ADGRL3: variants seen among roughly 807,000 people sequenced by gnomAD.
ADGRL3 encodes the protein calcium-independent alpha-latrotoxin receptor 3.
ADGRL3 carries 62 observed loss-of-function variants against 153.5 expected under a neutral mutation model. The observed-to-expected ratio is 0.40, with a 90% CI of 0.33 to 0.50. The LOEUF is 0.50. Among genes scored for constraint, ADGRL3 ranks in the 20% least tolerant of loss-of-function variants. The pLI, the probability that ADGRL3 is intolerant of heterozygous loss-of-function variation, is 0.47. For missense variants in ADGRL3, 1,641 were observed against 1,859.4 expected (o/e 0.88, Z 2.16); for synonymous variants, 710 against 672.5 (o/e 1.06, Z -0.86).
intron 5 of ADGRL3, among the ~76,000 whole-genome samples, chr4:61,627,477 T>C (rs1466414328): frequency 6.6e-6 from 1 of 151,836 alleles, no homozygotes; most frequent in Non-Finnish European, 1.5e-5. Flanking sequence ...AAAAATTAGC[T>C]GGGCATGGTG....
intron 22 of ADGRL3, among the ~76,000 whole-genome samples, chr4:62,030,276 A>T (rs1310758904): frequency 6.6e-6 from 1 of 151,678 alleles, no homozygotes; most frequent in Non-Finnish European, 1.5e-5. Flanking sequence ...TTCATTTTAC[A>T]AAGTTTCCAT....
chr4:61,732,699 T>C (rs753087657), intron 7 of ADGRL3, 55 bp from the exon 8 acceptor site: 37 of 1,032,180 alleles, frequency 3.6e-5, no homozygotes, highest in Non-Finnish European at 4.9e-5. Flanking sequence ...TAAGACTATA[T>C]AACAAAATAT....
At position 61,757,272 on chromosome 4, in the gene ADGRL3, C is replaced by T. The variant is rs1308613391; in HGVS notation, c.1399+23718C>T. On this transcript the variant is annotated intron_variant, in intron 8 of 26. Coordinates refer to ENST00000683033, the MANE Select transcript of ADGRL3 (RefSeq NM_001387552.1). ...TCCTGGACTTTTTTTGGTTGGTAAG[C>T]TATTAATTATTGCCTCAATTTCAGA... Among the ~76,000 whole-genome samples, 3 of 152,192 alleles carry T rather than the reference C, an allele frequency of 2.0e-5. No individual in the cohort carries two copies. The South Asian group carries it at 6.2e-4, about 32-fold the overall frequency.
intron 6 of ADGRL3, among the ~76,000 whole-genome samples, chr4:61,697,611 T>G (rs1262393494): frequency 2.0e-5 from 3 of 151,766 alleles, no homozygotes; most frequent in Non-Finnish European, 2.9e-5. Flanking sequence ...AGTAATATTC[T>G]TGGTGAAGTA....
intron 6 of ADGRL3, among the ~76,000 whole-genome samples, chr4:61,715,067 T>C (rs1461021261): frequency 2.0e-5 from 3 of 152,214 alleles, no homozygotes; most frequent in Non-Finnish European, 4.4e-5. Context: ...TGGTAGAATG[T>C]TAATTATCTT....
At chr4:61,233,506 C>G (rs1205050944) in intron 1 of ADGRL3, among the ~76,000 whole-genome samples, 1 of 152,048 alleles carries the variant, frequency 6.6e-6, no homozygotes, top group African/African-American at 2.4e-5. Context: ...TAGAAGGCAG[C>G]TTGTTCTATT....
At chr4:61,749,430 A>G (rs1043488728) in intron 8 of ADGRL3, among the ~76,000 whole-genome samples, 2 of 152,156 alleles carry the variant, frequency 1.3e-5, no homozygotes, top group African/African-American at 4.8e-5. Context: ...TTGTGGCACT[A>G]TGCACAATAG....
At chr4:61,437,901 C>G (rs2097471974) in intron 2 of ADGRL3, among the ~76,000 whole-genome samples, 1 of 152,166 alleles carries the variant, frequency 6.6e-6, no homozygotes, top group South Asian at 2.1e-4. Flanking sequence ...AAGTCCCACT[C>G]TCTTCCACTG....
intron 25 of ADGRL3, among the ~76,000 whole-genome samples, chr4:62,065,646 G>T (rs145610121): frequency 7.2e-5 from 11 of 151,920 alleles, no homozygotes; most frequent in African/African-American, 2.2e-4. Flanking sequence ...TAATAAATTT[G>T]GACCACATTT....
At chr4:61,499,458 C>G (rs2098359198) in intron 3 of ADGRL3, among the ~76,000 whole-genome samples, 1 of 152,080 alleles carries the variant, frequency 6.6e-6, no homozygotes. Context: ...CAATGCTTTT[C>G]TAATTATCCA....
At chr4:61,442,575 G>A (rs927418602) in intron 2 of ADGRL3, among the ~76,000 whole-genome samples, 1 of 152,096 alleles carries the variant, frequency 6.6e-6, no homozygotes, top group Non-Finnish European at 1.5e-5. Context: ...GTAATAAGAG[G>A]AAGAAGGCAG....
intron 4 of ADGRL3, among the ~76,000 whole-genome samples, chr4:61,570,520 C>T (rs1341586027): frequency 6.6e-6 from 1 of 152,114 alleles, no homozygotes; most frequent in Non-Finnish European, 1.5e-5. Flanking sequence ...GCTGCTAGAA[C>T]CAAATCAAGA....
chr4:61,267,205 G>A (rs1037672841), intron 1 of ADGRL3, among the ~76,000 whole-genome samples: 2 of 151,522 alleles, frequency 1.3e-5, no homozygotes, highest in South Asian at 2.1e-4. Flanking sequence ...AATAAATGTC[G>A]AATGTAATGA....
chr4:61,743,373 AAC>A (rs1464531012), intron 8 of ADGRL3, among the ~76,000 whole-genome samples: 1 of 151,936 alleles, frequency 6.6e-6, no homozygotes, highest in Non-Finnish European at 1.5e-5. Context: ...TCTGCCAAAA[AAC>A]ATACAGGAGT....
chr4:61,996,195 T>C, intron 19 of ADGRL3, 96 bp from the exon 20 acceptor site: 1 of 751,106 alleles, frequency 1.3e-6, no homozygotes, highest in South Asian at 1.6e-5. Context: ...AGTGGAATGC[T>C]TTGCAGCTCA....
chr4:61,621,574 C>G (rs1156245434), intron 5 of ADGRL3, among the ~76,000 whole-genome samples: 2 of 151,938 alleles, frequency 1.3e-5, no homozygotes, highest in Non-Finnish European at 2.9e-5. Flanking sequence ...CCTTGATCCT[C>G]TTCATTATCT....
At chr4:61,565,814 A>C (rs2149049229) in intron 4 of ADGRL3, among the ~76,000 whole-genome samples, 1 of 152,328 alleles carries the variant, frequency 6.6e-6, no homozygotes, top group African/African-American at 2.4e-5. Flanking sequence ...CTGGGATTAC[A>C]GGCATGAGCC....
At chr4:61,791,325 C>T (rs2097339153) in intron 8 of ADGRL3, among the ~76,000 whole-genome samples, 1 of 152,210 alleles carries the variant, frequency 6.6e-6, no homozygotes, top group South Asian at 2.1e-4. Context: ...AAAGGGGCTA[C>T]AGGCCCCATG....
intron 19 of ADGRL3, among the ~76,000 whole-genome samples, chr4:61,991,597 A>G (rs752949297): frequency 1.8e-4 from 27 of 152,062 alleles, no homozygotes; most frequent in Admixed American, 2.6e-4. Flanking sequence ...CTCAAATGCT[A>G]GTCTTGACCA....
Sources: gnomAD v4.1 joint callset for allele counts (sites outside exome capture counted in the v4.1 genomes callset) on GRCh38, gnomAD v4.1.1 for gene constraint, MANE v1.5 for transcripts, NCBI Gene and HGNC (gene_info 2026-07-23, HGNC 2026-07-21) for gene names.